The following ENKUR variants were observed in gnomAD, a reference collection of about 807,000 sequenced individuals.
The protein encoded by ENKUR is enkurin.
ENKUR carries 19 observed loss-of-function variants against 27.6 expected under a neutral mutation model. The observed-to-expected ratio is 0.69, with a 90% CI of 0.48 to 1.01. The LOEUF (loss-of-function observed/expected upper bound fraction) is 1.01, where lower values mean the gene tolerates loss of function less well. Among genes scored for constraint, ENKUR ranks in the 50% least tolerant of loss-of-function variants. The pLI is 0.00. For missense variants in ENKUR, 312 were observed against 310.5 expected (o/e 1.00, Z -0.04); for synonymous variants, 117 against 96.9 (o/e 1.21, Z -1.22).
chr10:25,039,739 C>T (rs1238543742), intron 2 of ENKUR, among the ~76,000 whole-genome samples: 1 of 152,090 alleles, frequency 6.6e-6, no homozygotes, highest in African/African-American at 2.4e-5. Context: ...AAAGCAACCA[C>T]CATTTGTTGA....
intron 1 of ENKUR, among the ~76,000 whole-genome samples, chr10:25,010,445 T>A (rs181181807): frequency 3.9e-4 from 60 of 151,954 alleles, no homozygotes; most frequent in East Asian, 1.4e-3. Context: ...ACTCATTTTT[T>A]TTATTATTAT....
At chr10:25,039,151 C>A (rs1191920422) in intron 2 of ENKUR, among the ~76,000 whole-genome samples, 1 of 152,158 alleles carries the variant, frequency 6.6e-6, no homozygotes, top group Non-Finnish European at 1.5e-5. Context: ...AATGACAAAG[C>A]TTTAAACATT....
chr10:25,009,408 A>G (rs1850388257), intron 1 of ENKUR, among the ~76,000 whole-genome samples: 1 of 152,226 alleles, frequency 6.6e-6, no homozygotes, highest in Non-Finnish European at 1.5e-5. Flanking sequence ...AAAATCAATT[A>G]AAAAATAAGA....
chr10:24,997,745 T>G (rs566366961), intron 2 of ENKUR, among the ~76,000 whole-genome samples: 29 of 151,948 alleles, frequency 1.9e-4, no homozygotes, highest in Non-Finnish European at 3.4e-4. Context: ...GGGTTTGCTT[T>G]TGCCTTACAA....
intron 2 of ENKUR, among the ~76,000 whole-genome samples, chr10:25,054,535 CTTTCTTTCTTTCCTTT>C (rs1851230244): frequency 1.6e-5 from 2 of 128,976 alleles, no homozygotes; most frequent in African/African-American, 3.1e-5. Flanking sequence ...TCTTTCCTTT[CTTTCTTTCTTTCCTTT>C]CTTTCTTTCT....
At chr10:25,059,132 C>CTTTTT (rs759162602) in intron 2 of ENKUR, among the ~76,000 whole-genome samples, 2 of 120,542 alleles carry the variant, frequency 1.7e-5, no homozygotes, top group Non-Finnish European at 1.7e-5. Flanking sequence ...CTTTTTCTTT[C>CTTTTT]TTTTTTTTTT....
upstream of ENKUR, among the ~76,000 whole-genome samples, chr10:25,018,505 T>C (rs1213693359): frequency 6.6e-6 from 1 of 152,202 alleles, no homozygotes; most frequent in Non-Finnish European, 1.5e-5. Context: ...TGAACAAATA[T>C]GTGAGCACAT....
At position 24,995,817 on chromosome 10, in the gene ENKUR, A is replaced by C; in HGVS notation, c.276T>G (p.Thr92=). 1.2e-6 allele frequency: 2 copies of C among 1,613,832 alleles called. No individual in the cohort carries two copies. Among genetic ancestry groups the C allele is most frequent in the Non-Finnish European group, 1.7e-6 (2 of 1,179,978 alleles). ...VPKKPAVPLK[T]DHPVMGIQSG... is the part of the protein sequence containing the mutation. ...TCTGTATTCCCATGACAGGATGATC[A>C]GTCTTCAATGGCACAGCAGGCTTTT... The change falls in exon 3 of 6, where the codon ACT becomes ACG. Residue 92 remains threonine (T), a synonymous_variant. Transcript: ENST00000331161.
chr10:25,042,235 C>T (rs890587785), intron 2 of ENKUR, among the ~76,000 whole-genome samples: 41 of 148,432 alleles, frequency 2.8e-4, no homozygotes, highest in African/African-American at 9.7e-4. Flanking sequence ...AGATGAACAG[C>T]ATATAGAAAT....
chr10:25,056,573 G>A (rs1851258558), intron 2 of ENKUR, among the ~76,000 whole-genome samples: 1 of 152,202 alleles, frequency 6.6e-6, no homozygotes, highest in South Asian at 2.1e-4. Flanking sequence ...GAAATTGTAA[G>A]TAGGTATGAA....
At chr10:25,042,322 T>A (rs1393528269) in intron 2 of ENKUR, among the ~76,000 whole-genome samples, 1 of 150,704 alleles carries the variant, frequency 6.6e-6, no homozygotes, top group Non-Finnish European at 1.5e-5. Context: ...TGAAAGATAG[T>A]ATGTCACCCA....
intron 2 of ENKUR, among the ~76,000 whole-genome samples, chr10:25,033,447 T>C (rs894890013): frequency 6.1e-5 from 9 of 147,894 alleles, no homozygotes; most frequent in Non-Finnish European, 8.9e-5. Flanking sequence ...CCAATACTTA[T>C]AGTAAATGTG....
intron 4 of ENKUR, among the ~76,000 whole-genome samples, chr10:24,989,749 T>C (rs1401616425): frequency 6.6e-6 from 1 of 152,222 alleles, no homozygotes; most frequent in Admixed American, 6.5e-5. Context: ...AATGGCTTCG[T>C]GGGATGCTTT....
intron 1 of ENKUR, among the ~76,000 whole-genome samples, chr10:25,014,758 C>T (rs548135085): frequency 7.9e-5 from 12 of 152,268 alleles, no homozygotes; most frequent in Non-Finnish European, 1.5e-4. Flanking sequence ...ATTCCTCTTT[C>T]CAGTCTCTAG....
intron 1 of ENKUR, among the ~76,000 whole-genome samples, chr10:25,010,510 T>C (rs1304138983): frequency 6.6e-6 from 1 of 151,860 alleles, no homozygotes; most frequent in Non-Finnish European, 1.5e-5. Flanking sequence ...TAGTTACATA[T>C]GTATACATGT....
At chr10:25,024,249 G>T (rs1228185949) in intron 2 of ENKUR, 1 of 1,614,180 alleles carries the variant, frequency 6.2e-7, no homozygotes, top group Non-Finnish European at 8.5e-7. Context: ...TCCTGGAGTT[G>T]TTTCATGGAC....
At chr10:25,012,449 A>C (rs1850468901) in intron 1 of ENKUR, among the ~76,000 whole-genome samples, 1 of 152,194 alleles carries the variant, frequency 6.6e-6, no homozygotes, top group African/African-American at 2.4e-5. Context: ...AGCAGCCGGA[A>C]TGGGGGCTGT....
intron 1 of ENKUR, among the ~76,000 whole-genome samples, chr10:25,010,660 G>T: frequency 7.2e-6 from 1 of 138,946 alleles, no homozygotes; most frequent in Non-Finnish European, 1.5e-5. Context: ...TGTTCTCATT[G>T]TTCAATTCCC....
At chr10:25,057,766 G>GC (rs1460975561) in intron 2 of ENKUR, among the ~76,000 whole-genome samples, 1 of 152,012 alleles carries the variant, frequency 6.6e-6, no homozygotes, top group Non-Finnish European at 1.5e-5. Flanking sequence ...CTTTTGACCA[G>GC]CATTTTTTGT....
Sources: allele counts gnomAD v4.1 joint callset (sites outside exome capture counted in the v4.1 genomes callset), GRCh38; gene constraint gnomAD v4.1.1; transcripts MANE v1.5; gene names NCBI Gene and HGNC (gene_info 2026-07-23, HGNC 2026-07-21).